Variants in L3MBTL4 observed in about 807,000 individuals in gnomAD.
L3MBTL4 encodes L3MBTL histone methyl-lysine binding protein 4, also known as lethal(3)malignant brain tumor-like protein 4.
In L3MBTL4, 70 loss-of-function variants were observed where a neutral mutation model predicts 84.5. The ratio of observed to expected loss-of-function variants is 0.83; its 90% confidence interval spans 0.68 to 1.01. The LOEUF (loss-of-function observed/expected upper bound fraction) is 1.01. Ranked by LOEUF, L3MBTL4 falls within the 50% of genes least tolerant of loss-of-function variation. The pLI, the probability that L3MBTL4 is intolerant of heterozygous loss-of-function variation, is 0.00. For synonymous variants in L3MBTL4, 274 were observed against 259.8 expected (o/e 1.05, Z -0.52); for missense variants, 715 against 754.8 (o/e 0.95, Z 0.62).
At chr18:6,277,169 G>A (rs2049119935) in intron 4 of L3MBTL4, among the ~76,000 whole-genome samples, 1 of 149,462 alleles carries the variant, frequency 6.7e-6, no homozygotes, top group South Asian at 2.2e-4. Context: ...GATAGTATTG[G>A]GAGATATACC....
chr18:5,970,234 C>T (rs998120474), intron 16 of L3MBTL4, among the ~76,000 whole-genome samples: 1 of 152,256 alleles, frequency 6.6e-6, no homozygotes, highest in African/African-American at 2.4e-5. Context: ...AACACAGGCA[C>T]TCTTAGATGG....
intron 12 of L3MBTL4, among the ~76,000 whole-genome samples, chr18:6,184,305 G>A (rs531534798): frequency 6.6e-6 from 1 of 152,264 alleles, no homozygotes; most frequent in South Asian, 2.1e-4. Flanking sequence ...TTTGAGGACA[G>A]AAACCGTATT....
intron 16 of L3MBTL4, 108 bp from the exon 17 acceptor site, chr18:5,969,670 AC>A: frequency 9.6e-7 from 1 of 1,037,668 alleles, no homozygotes; most frequent in Non-Finnish European, 1.4e-6. Flanking sequence ...AAGTGCAGAC[AC>A]CACCAGAACC....
intron 4 of L3MBTL4, among the ~76,000 whole-genome samples, chr18:6,266,684 G>T (rs2048647954): frequency 6.6e-6 from 1 of 152,198 alleles, no homozygotes; most frequent in Non-Finnish European, 1.5e-5. Flanking sequence ...CAGCACTTGG[G>T]AAGCTGAGGC....
chr18:6,138,141 C>T, intron 14 of L3MBTL4, 53 bp downstream of exon 14: 1 of 1,245,956 alleles, frequency 8.0e-7, no homozygotes, highest in Non-Finnish European at 1.2e-6. Context: ...AGCTGCTAAT[C>T]TGCAGAATGT....
At chr18:6,352,234 C>T (rs1234393807) in intron 1 of L3MBTL4, among the ~76,000 whole-genome samples, 3 of 152,202 alleles carry the variant, frequency 2.0e-5, no homozygotes, top group Non-Finnish European at 2.9e-5. Context: ...GATCCCAACA[C>T]ATCATGATCA....
intron 16 of L3MBTL4, among the ~76,000 whole-genome samples, chr18:6,014,424 G>C (rs117311777): frequency 6.6e-6 from 1 of 152,184 alleles, no homozygotes; most frequent in African/African-American, 2.4e-5. Flanking sequence ...ATACAGAATG[G>C]TAAGGTCCTG....
Position 6,292,771 on chromosome 18 carries a change from C to A in L3MBTL4, c.127+9132G>T, listed in dbSNP as rs534742913. Among the ~76,000 whole-genome samples, 3 of 152,292 alleles carry A rather than the reference C, an allele frequency of 2.0e-5. No homozygotes were observed. In the East Asian group the frequency reaches 5.8e-4, roughly 29 times the overall value. ...AGGAGGACAAAGTACTCAGGGAACA[C>A]AACATTGCTCCAAGCATATTAATCT... On this transcript the variant is annotated intron_variant, in intron 4 of 18. Coordinates refer to ENST00000317931, the MANE Select transcript of L3MBTL4 (RefSeq NM_001330559.2).
At chr18:6,244,998 C>T (rs966383588) in intron 5 of L3MBTL4, among the ~76,000 whole-genome samples, 2 of 152,132 alleles carry the variant, frequency 1.3e-5, no homozygotes, top group African/African-American at 4.8e-5. Flanking sequence ...CAACCTCCAC[C>T]TCCCGGGTTC....
intron 4 of L3MBTL4, among the ~76,000 whole-genome samples, chr18:6,265,545 G>A (rs1008797119): frequency 3.4e-4 from 51 of 152,152 alleles, no homozygotes; most frequent in African/African-American, 1.2e-3. Flanking sequence ...TGAGGTTATC[G>A]AAAACTATAT....
At chr18:6,239,197 C>T (rs138052146) in intron 9 of L3MBTL4, among the ~76,000 whole-genome samples, 3 of 151,410 alleles carry the variant, frequency 2.0e-5, no homozygotes, top group Admixed American at 2.0e-4. Flanking sequence ...AAAAATTAGC[C>T]GGGCGTAGTG....
intron 14 of L3MBTL4, among the ~76,000 whole-genome samples, chr18:6,127,825 G>A (rs964702638): frequency 1.3e-5 from 2 of 152,144 alleles, no homozygotes; most frequent in African/African-American, 4.8e-5. Context: ...CTCTTCTGCA[G>A]TGTGCCTGGG....
intron 16 of L3MBTL4, among the ~76,000 whole-genome samples, chr18:5,996,243 G>A (rs916579479): frequency 6.6e-6 from 1 of 152,186 alleles, no homozygotes; most frequent in Non-Finnish European, 1.5e-5. Context: ...TTCACTTGAT[G>A]AATCTGATTT....
At chr18:6,074,059 T>TTTTG (rs997273623) in intron 16 of L3MBTL4, among the ~76,000 whole-genome samples, 6 of 151,864 alleles carry the variant, frequency 4.0e-5, no homozygotes, top group Non-Finnish European at 7.4e-5. Flanking sequence ...TGAAGTGTTT[T>TTTTG]TTTGTTTGTT....
At chr18:6,296,612 G>A (rs1363054685) in intron 4 of L3MBTL4, among the ~76,000 whole-genome samples, 1 of 152,166 alleles carries the variant, frequency 6.6e-6, no homozygotes, top group Non-Finnish European at 1.5e-5. Context: ...TAGACTGCAT[G>A]TTCTATACAG....
At chr18:5,983,409 T>C (rs1424823891) in intron 16 of L3MBTL4, among the ~76,000 whole-genome samples, 1 of 152,158 alleles carries the variant, frequency 6.6e-6, no homozygotes, top group Non-Finnish European at 1.5e-5. Context: ...AAGTCAGTGG[T>C]AACACCAACA....
intron 16 of L3MBTL4, among the ~76,000 whole-genome samples, chr18:6,072,203 G>A (rs1453620601): frequency 6.6e-6 from 1 of 152,114 alleles, no homozygotes; most frequent in African/African-American, 2.4e-5. Flanking sequence ...CACAACCATA[G>A]TAGAGGACTT....
intron 16 of L3MBTL4, among the ~76,000 whole-genome samples, chr18:6,024,409 A>G (rs2055410942): frequency 6.6e-6 from 1 of 152,236 alleles, no homozygotes; most frequent in South Asian, 2.1e-4. Flanking sequence ...TCTTTGTACT[A>G]CAATACAAAT....
intron 4 of L3MBTL4, among the ~76,000 whole-genome samples, chr18:6,278,704 G>A (rs919706594): frequency 6.6e-6 from 1 of 151,944 alleles, no homozygotes; most frequent in African/African-American, 2.4e-5. Flanking sequence ...AGCCCCTCTG[G>A]CCCTCACTTA....
Sources: gnomAD v4.1 joint callset for allele counts (sites outside exome capture counted in the v4.1 genomes callset) on GRCh38, gnomAD v4.1.1 for gene constraint, MANE v1.5 for transcripts, NCBI Gene and HGNC (gene_info 2026-07-23, HGNC 2026-07-21) for gene names.